The following DCUN1D4 variants were observed in gnomAD, a reference collection of about 807,000 sequenced individuals.
The protein encoded by DCUN1D4 is DCN1-like protein 4.
DCUN1D4 carries 22 observed loss-of-function variants against 47.9 expected under a neutral mutation model. The observed-to-expected ratio is 0.46, with a 90% CI of 0.33 to 0.66. The LOEUF (loss-of-function observed/expected upper bound fraction) is 0.66. Among genes scored for constraint, DCUN1D4 ranks in the 30% least tolerant of loss-of-function variants. The pLI is 0.02. For missense variants in DCUN1D4, 301 were observed against 340.8 expected, an observed-to-expected ratio of 0.88 and a Z score of 0.92; for synonymous variants, 121 against 112.2, an observed-to-expected ratio of 1.08 and a Z score of -0.50.
chr4:51,898,971 A>G (rs940793918), intron 7 of DCUN1D4, among the ~76,000 whole-genome samples: 3 of 152,216 alleles, frequency 2.0e-5, no homozygotes, highest in Non-Finnish European at 2.9e-5. Flanking sequence ...ATGAAGTTTC[A>G]TTATGTTTGC....
At chr4:51,880,754 A>G (rs982727080) in intron 5 of DCUN1D4, among the ~76,000 whole-genome samples, 1 of 152,192 alleles carries the variant, frequency 6.6e-6, no homozygotes, top group South Asian at 2.1e-4. Context: ...CTGTGACTTT[A>G]GAAAGGATCG....
At chr4:51,833,994 G>A in the DCUN1D4 span, among the ~76,000 whole-genome samples, 2 of 149,506 alleles carry the variant, frequency 1.3e-5, no homozygotes, top group Non-Finnish European at 3.0e-5. Flanking sequence ...CCTGGCTTGG[G>A]GAAGTATTTT....
At chr4:51,834,869 C>T in the DCUN1D4 span, among the ~76,000 whole-genome samples, 3 of 152,238 alleles carry the variant, frequency 2.0e-5, no homozygotes, top group Non-Finnish European at 4.4e-5. Context: ...TAACTACACT[C>T]TGCTACTTAG....
At position 51,915,335 on chromosome 4, in the gene DCUN1D4, A is replaced by C. The variant is rs1337462996; in HGVS notation, c.*1751A>C. 6.6e-6 allele frequency: 1 copy of C among 152,612 alleles called. No homozygotes were observed. The highest frequency in any genetic ancestry group is 6.6e-5 in the Admixed American group (1 of 15,260). 9.5% of individuals were successfully genotyped at this position (152,612 alleles called of 1,614,324 possible). The stretch of plus-strand genomic sequence containing the variant: ...TTTATTTGCTGTGAAATAAACCAGA[A>C]GTTTAAAAAACCCTGTAGTGATTAA... On this transcript the variant is annotated 3_prime_UTR_variant, in exon 11 of 11. Coordinates refer to ENST00000334635, the MANE Select transcript of DCUN1D4 (RefSeq NM_001040402.3).
chr4:51,910,851 A>G (rs1217271030), intron 8 of DCUN1D4: 4 of 552,312 alleles, frequency 7.2e-6, no homozygotes, highest in Non-Finnish European at 1.3e-5. Context: ...GTTGACATAA[A>G]TCTTTCTCAC....
the DCUN1D4 span, among the ~76,000 whole-genome samples, chr4:51,836,843 A>G: frequency 6.6e-6 from 1 of 152,166 alleles, no homozygotes; most frequent in Non-Finnish European, 1.5e-5. Flanking sequence ...CTCAGCTGCC[A>G]TGCAGCCACC....
At chr4:51,908,812 G>T (rs1338386949) in intron 8 of DCUN1D4, 1 of 441,560 alleles carries the variant, frequency 2.3e-6, no homozygotes, top group Non-Finnish European at 4.6e-6. Context: ...TCCAGTCATG[G>T]TCATTTGCAC....
Position 51,886,552 on chromosome 4 carries a change from A to T in DCUN1D4, c.344-16A>T, listed in dbSNP as rs1265582626. Reference sequence around the variant, plus strand: ...TGCATGGTCAGATTTAATTTACATAAGACTGTATTTCACAGGAACTGATGA... The same window carrying T: ...TGCATGGTCAGATTTAATTTACATATGACTGTATTTCACAGGAACTGATGA... On this transcript the variant is annotated splice_polypyrimidine_tract_variant and intron_variant, in intron 5 of 10. Transcript: ENST00000334635. 2.5e-6 allele frequency: 4 copies of T among 1,612,232 alleles called. No individual in the cohort carries two copies. The highest frequency in any genetic ancestry group is 3.4e-6 in the Non-Finnish European group (4 of 1,178,510).
intron 4 of DCUN1D4, among the ~76,000 whole-genome samples, chr4:51,877,212 C>T (rs181552958): frequency 8.7e-4 from 133 of 152,274 alleles, no homozygotes; most frequent in Admixed American, 1.0e-3. Context: ...ATCAAGAAAC[C>T]ACCCAAGCGA....
intron 4 of DCUN1D4, among the ~76,000 whole-genome samples, chr4:51,876,423 G>T (rs934207820): frequency 1.3e-5 from 2 of 151,724 alleles, no homozygotes; most frequent in South Asian, 2.1e-4. Context: ...CTGTTGTGGG[G>T]TGGGGGTAGG....
In DCUN1D4 at chr4:51,874,234, A is replaced by G. The variant is rs957807971; in HGVS notation, c.137-37A>G. 11 of 1,432,126 alleles carry G rather than the reference A, an allele frequency of 7.7e-6. No individual in the cohort carries two copies. In the Admixed American group the frequency reaches 1.6e-4, roughly 21 times the overall value. 88.7% of individuals were successfully genotyped at this position (1,432,126 alleles called of 1,614,324 possible). A position where few individuals can be genotyped will look rare whatever the true frequency, so the allele number is the denominator to read the frequency against. Reference sequence around the variant, plus strand: ...TGGAAGTACAGAGTTAGGATGTAGCATACCTTAATTTTGTGCTCTTTGAAT... The same window carrying G: ...TGGAAGTACAGAGTTAGGATGTAGCGTACCTTAATTTTGTGCTCTTTGAAT... On this transcript the variant is annotated intron_variant, in intron 3 of 10. Coordinates refer to ENST00000334635, the MANE Select transcript of DCUN1D4 (RefSeq NM_001040402.3).
At chr4:51,848,328 T>C in intron 1 of DCUN1D4, 4 of 1,286,470 alleles carry the variant, frequency 3.1e-6, no homozygotes, top group Non-Finnish European at 4.1e-6. Flanking sequence ...GTCTCTCGTG[T>C]CAGCGTCCTA....
intron 1 of DCUN1D4, among the ~76,000 whole-genome samples, chr4:51,852,214 C>G (rs1336926289): frequency 6.6e-6 from 1 of 152,130 alleles, no homozygotes; most frequent in Non-Finnish European, 1.5e-5. Context: ...CATTTAAAAA[C>G]TGATTTTAAG....
chr4:51,912,087 C>G (rs943739238), intron 9 of DCUN1D4, among the ~76,000 whole-genome samples: 8 of 152,144 alleles, frequency 5.3e-5, no homozygotes, highest in Admixed American at 6.5e-5. Flanking sequence ...AGTGGGACTC[C>G]TCAAAAATTT....
At chr4:51,859,170 G>A (rs1216475222) in intron 1 of DCUN1D4, among the ~76,000 whole-genome samples, 2 of 152,162 alleles carry the variant, frequency 1.3e-5, no homozygotes, top group Non-Finnish European at 2.9e-5. Context: ...TTAGTGAAGG[G>A]AGAAGTGATT....
intron 8 of DCUN1D4, 36 bp downstream of exon 8, chr4:51,899,414 TCTTCCCTCCC>T: frequency 6.4e-7 from 1 of 1,565,060 alleles, no homozygotes; most frequent in Non-Finnish European, 8.6e-7. Context: ...TGTTTCCCTC[TCTTCCCTCCC>T]CTTTTTAAAT....
At chr4:51,895,559 TAAAAAAAAAA>T (rs67542268) in intron 7 of DCUN1D4, among the ~76,000 whole-genome samples, 6 of 88,502 alleles carry the variant, frequency 6.8e-5, no homozygotes, top group African/African-American at 1.8e-4. Flanking sequence ...TGCTTAAACT[TAAAAAAAAAA>T]AAAAAAAAAA....
intron 8 of DCUN1D4, 149 bp downstream of exon 8, chr4:51,899,527 G>A: frequency 6.9e-7 from 1 of 1,450,466 alleles, no homozygotes; most frequent in Non-Finnish European, 9.1e-7. Context: ...CTACATGTAT[G>A]CTTTTGAAAA....
chr4:51,910,093 T>C (rs1225996915), intron 8 of DCUN1D4, among the ~76,000 whole-genome samples: 1 of 152,206 alleles, frequency 6.6e-6, no homozygotes, highest in African/African-American at 2.4e-5. Context: ...TGCACTGGGC[T>C]AGCCAGGCAC....
Sources: allele counts gnomAD v4.1 joint callset (sites outside exome capture counted in the v4.1 genomes callset), GRCh38; gene constraint gnomAD v4.1.1; transcripts MANE v1.5; gene names NCBI Gene and HGNC (gene_info 2026-07-23, HGNC 2026-07-21).